The following SMIM35 variants were observed in gnomAD, a reference collection of about 807,000 sequenced individuals.
SMIM35 encodes the protein TMPRSS4 antisense RNA 1 (non-protein coding).
At chr11:118,068,429 C>T (rs375151826) in intron 1 of SMIM35, among the ~76,000 whole-genome samples, 58 of 152,328 alleles carry the variant, frequency 3.8e-4, no homozygotes, top group African/African-American at 1.3e-3. Flanking sequence ...TGTGAAAGAG[C>T]TGCGGACAGC....
At chr11:118,042,731 G>A (rs533584267) in intron 1 of SMIM35, among the ~76,000 whole-genome samples, 1 of 152,268 alleles carries the variant, frequency 6.6e-6, no homozygotes, top group African/African-American at 2.4e-5. Context: ...GATTGTATGT[G>A]GAAAAAGAAT....
At chr11:118,085,705 T>G (rs562625992) in intron 1 of SMIM35, among the ~76,000 whole-genome samples, 1 of 152,302 alleles carries the variant, frequency 6.6e-6, no homozygotes, top group African/African-American at 2.4e-5. Flanking sequence ...GGCAAACCCA[T>G]GAGGGTCCCT....
intron 1 of SMIM35, among the ~76,000 whole-genome samples, chr11:118,020,398 C>A (rs187651339): frequency 9.4e-4 from 143 of 152,198 alleles, no homozygotes; most frequent in African/African-American, 3.3e-3. Context: ...TTTGGGAATT[C>A]GTTTTTCAAG....
chr11:118,044,073 C>A (rs1381786763), intron 1 of SMIM35, among the ~76,000 whole-genome samples: 1 of 152,004 alleles, frequency 6.6e-6, no homozygotes, highest in Admixed American at 6.6e-5. Flanking sequence ...CTATATTTAT[C>A]TCTGTCTAAA....
intron 1 of SMIM35, among the ~76,000 whole-genome samples, chr11:118,043,278 A>ATT: frequency 6.7e-6 from 1 of 150,092 alleles, no homozygotes; most frequent in Non-Finnish European, 1.5e-5. Context: ...TTGGTAAAAC[A>ATT]TTTTTTTTTT....
At chr11:118,037,431 T>C (rs1943918874) in intron 1 of SMIM35, among the ~76,000 whole-genome samples, 1 of 152,110 alleles carries the variant, frequency 6.6e-6, no homozygotes, top group African/African-American at 2.4e-5. Context: ...AAGGGGAGAA[T>C]CCAGGGCATC....
intron 4 of SMIM35, among the ~76,000 whole-genome samples, chr11:118,012,872 C>G (rs1782638008): frequency 6.6e-6 from 1 of 152,180 alleles, no homozygotes; most frequent in African/African-American, 2.4e-5. Flanking sequence ...CCTGGTCAAC[C>G]CTACAAGGGC....
chr11:118,081,379 T>C (rs974756254), intron 1 of SMIM35, among the ~76,000 whole-genome samples: 3 of 152,166 alleles, frequency 2.0e-5, no homozygotes, highest in African/African-American at 7.2e-5. Flanking sequence ...GTGACACGTC[T>C]AACGCCACCT....
At chr11:118,020,809 G>C (rs904627101) in intron 1 of SMIM35, among the ~76,000 whole-genome samples, 28 of 152,192 alleles carry the variant, frequency 1.8e-4, no homozygotes, top group African/African-American at 6.5e-4. Flanking sequence ...ATATGTCTCA[G>C]TTTATTTTTC....
At chr11:118,020,463 T>C (rs1291216121) in intron 1 of SMIM35, among the ~76,000 whole-genome samples, 1 of 152,220 alleles carries the variant, frequency 6.6e-6, no homozygotes, top group Admixed American at 6.5e-5. Flanking sequence ...TGTATAGGTT[T>C]ATTTGGATAA....
chr11:118,040,606 A>G (rs961974244), intron 1 of SMIM35, among the ~76,000 whole-genome samples: 18 of 152,224 alleles, frequency 1.2e-4, no homozygotes, highest in Admixed American at 4.6e-4. Context: ...GACATCCATC[A>G]GGCTAAAAGC....
At chr11:118,065,797 A>C (rs1944465144) in intron 1 of SMIM35, among the ~76,000 whole-genome samples, 1 of 152,008 alleles carries the variant, frequency 6.6e-6, no homozygotes, top group African/African-American at 2.4e-5. Context: ...GTTTTCATTA[A>C]ATCTCTGCTT....
intron 1 of SMIM35, among the ~76,000 whole-genome samples, chr11:118,023,113 A>G (rs1732532091): frequency 6.6e-6 from 1 of 152,040 alleles, no homozygotes; most frequent in South Asian, 2.1e-4. Context: ...ATCCTCATTC[A>G]GTCAAATATT....
intron 4 of SMIM35, among the ~76,000 whole-genome samples, chr11:118,009,963 A>C (rs1591272509): frequency 6.6e-6 from 1 of 152,208 alleles, no homozygotes; most frequent in East Asian, 1.9e-4. Context: ...GAGGGTGCAG[A>C]CTCTGCTCAG....
At chr11:118,013,367 G>A (rs889705481) in intron 4 of SMIM35, among the ~76,000 whole-genome samples, 1 of 152,218 alleles carries the variant, frequency 6.6e-6, no homozygotes, top group African/African-American at 2.4e-5. Context: ...GAGGCTCCTG[G>A]GCTCAGAAAG....
chr11:118,059,738 G>A (rs1944368676), intron 1 of SMIM35, among the ~76,000 whole-genome samples: 1 of 152,096 alleles, frequency 6.6e-6, no homozygotes, highest in African/African-American at 2.4e-5. Context: ...AAAGCAGCCT[G>A]GAATCCCAGA....
chr11:118,006,544 C>T (rs561827789), intron 4 of SMIM35, among the ~76,000 whole-genome samples, 168 bp from the exon 5 acceptor site: 1 of 152,276 alleles, frequency 6.6e-6, no homozygotes, highest in Non-Finnish European at 1.5e-5. Flanking sequence ...CCTAACACAT[C>T]GCAATGGGTG....
At chr11:118,053,161 G>C (rs1353050603) in intron 1 of SMIM35, among the ~76,000 whole-genome samples, 1 of 152,114 alleles carries the variant, frequency 6.6e-6, no homozygotes, top group African/African-American at 2.4e-5. Context: ...ACAAAATTTA[G>C]CCAGGCGTGT....
intron 1 of SMIM35, among the ~76,000 whole-genome samples, chr11:118,081,903 C>T (rs1945164794): frequency 6.6e-6 from 1 of 152,196 alleles, no homozygotes; most frequent in South Asian, 2.1e-4. Context: ...GGGGAGACTG[C>T]TTTCCCACAC....
Sources: gnomAD v4.1 joint callset for allele counts (sites outside exome capture counted in the v4.1 genomes callset) on GRCh38, gnomAD v4.1.1 for gene constraint, MANE v1.5 for transcripts, NCBI Gene and HGNC (gene_info 2026-07-23, HGNC 2026-07-21) for gene names.